TENM2: variants seen among roughly 807,000 people sequenced by gnomAD.
TENM2 encodes teneurin transmembrane protein 2, also known as teneurin-2.
TENM2 carries 52 observed loss-of-function variants against 245.2 expected under a neutral mutation model. The ratio of observed to expected loss-of-function variants is 0.21; its 90% CI spans 0.17 to 0.27. The LOEUF (loss-of-function observed/expected upper bound fraction) is 0.27. Among genes scored for constraint, TENM2 ranks in the 10% least tolerant of loss-of-function variants. The pLI is 1.00. For synonymous variants in TENM2, 1,363 were observed against 1,438.9 expected (o/e 0.95, Z 1.19); for missense variants, 3,046 against 3,666.8 (o/e 0.83, Z 4.37).
intron 2 of TENM2, among the ~76,000 whole-genome samples, chr5:167,804,179 G>T (rs1355499730): frequency 1.3e-5 from 2 of 151,904 alleles, no homozygotes; most frequent in African/African-American, 4.8e-5. Context: ...ACATTCTTCT[G>T]CTTGAACACC....
At chr5:167,705,107 G>A (rs1326868168) in intron 2 of TENM2, among the ~76,000 whole-genome samples, 1 of 152,044 alleles carries the variant, frequency 6.6e-6, no homozygotes, top group Non-Finnish European at 1.5e-5. Flanking sequence ...CCTACCCCTG[G>A]GCTTTTTGTG....
intron 1 of TENM2, among the ~76,000 whole-genome samples, chr5:167,329,596 C>G (rs558600395): frequency 6.8e-6 from 1 of 147,590 alleles, no homozygotes; most frequent in Non-Finnish European, 1.5e-5. Context: ...GGCATACTCC[C>G]CTTACGTTTT....
At chr5:167,081,191 G>A in the TENM2 span, among the ~76,000 whole-genome samples, 3 of 151,622 alleles carry the variant, frequency 2.0e-5, no homozygotes, top group African/African-American at 4.8e-5. Context: ...CAACATAAAG[G>A]GGAAAACATA....
rs1017057065 is a variant in TENM2, at chr5:167,393,837, G to T, written c.502+18364G>T. Among the ~76,000 whole-genome samples the T allele has an allele frequency of 4.6e-5, 7 of 152,174 alleles. No homozygotes were observed. In the East Asian group the frequency reaches 1.4e-3, roughly 29 times the overall value. On this transcript the variant is annotated intron_variant, in intron 2 of 28. Transcript: ENST00000518659. ...ACAGTGTCTGTCTGGGACAATAGCG[G>T]TAGGAAGAAGTGATCTGATTCTCAA...
At chr5:167,351,460 T>A (rs1240552970) in intron 1 of TENM2, among the ~76,000 whole-genome samples, 1 of 152,150 alleles carries the variant, frequency 6.6e-6, no homozygotes, top group Admixed American at 6.5e-5. Context: ...ACTAGACACA[T>A]GGCCTGACCT....
chr5:167,383,484 A>T (rs544497291), intron 2 of TENM2, among the ~76,000 whole-genome samples: 3 of 152,112 alleles, frequency 2.0e-5, no homozygotes, highest in Non-Finnish European at 4.4e-5. Context: ...GCTCTGAACC[A>T]GTTCGAATCT....
At chr5:167,648,917 G>T (rs1780155017) in intron 2 of TENM2, among the ~76,000 whole-genome samples, 1 of 152,142 alleles carries the variant, frequency 6.6e-6, no homozygotes, top group Non-Finnish European at 1.5e-5. Context: ...TCGGTCTGTG[G>T]CCCCTCCCTA....
At chr5:167,081,095 A>G in the TENM2 span, among the ~76,000 whole-genome samples, 1 of 151,928 alleles carries the variant, frequency 6.6e-6, no homozygotes, top group South Asian at 2.1e-4. Context: ...ACCCCTACCA[A>G]CAATGTAGAT....
At chr5:167,541,886 T>C (rs2127605577) in intron 2 of TENM2, among the ~76,000 whole-genome samples, 1 of 152,284 alleles carries the variant, frequency 6.6e-6, no homozygotes, top group Non-Finnish European at 1.5e-5. Context: ...ATTCCTGAAA[T>C]ATAAATAGCA....
At chr5:167,434,018 A>T (rs1355134409) in intron 2 of TENM2, among the ~76,000 whole-genome samples, 1 of 152,192 alleles carries the variant, frequency 6.6e-6, no homozygotes, top group Non-Finnish European at 1.5e-5. Context: ...AAAATTTAAT[A>T]TGAAAATGAG....
intron 2 of TENM2, among the ~76,000 whole-genome samples, chr5:167,452,717 C>G (rs371854401): frequency 4.0e-5 from 6 of 150,792 alleles, no homozygotes; most frequent in African/African-American, 1.2e-4. Flanking sequence ...TAACACACAC[C>G]GGGAATTGAA....
intron 4 of TENM2, among the ~76,000 whole-genome samples, chr5:167,981,166 C>T (rs1451235490): frequency 4.6e-5 from 7 of 152,210 alleles, no homozygotes; most frequent in Non-Finnish European, 5.9e-5. Flanking sequence ...TCCATGGAAT[C>T]GCCATAGGCC....
intron 7 of TENM2, among the ~76,000 whole-genome samples, chr5:168,062,969 C>T (rs981352826): frequency 6.6e-6 from 1 of 152,164 alleles, no homozygotes; most frequent in African/African-American, 2.4e-5. Context: ...CAAGCCACAG[C>T]ATTGTAAAAT....
chr5:167,687,222 A>G (rs1286005735), intron 2 of TENM2, among the ~76,000 whole-genome samples: 1 of 152,226 alleles, frequency 6.6e-6, no homozygotes, highest in African/African-American at 2.4e-5. Flanking sequence ...AAGATTTTAA[A>G]TCAAAATGGT....
At chr5:168,172,810 A>G (rs1220157826) in intron 13 of TENM2, among the ~76,000 whole-genome samples, 2 of 152,202 alleles carry the variant, frequency 1.3e-5, no homozygotes, top group Non-Finnish European at 2.9e-5. Flanking sequence ...TGGACTTTAA[A>G]TAGCAAGGTG....
At chr5:167,765,123 C>CT (rs1762924133) in intron 2 of TENM2, among the ~76,000 whole-genome samples, 1 of 152,114 alleles carries the variant, frequency 6.6e-6, no homozygotes, top group African/African-American at 2.4e-5. Flanking sequence ...ACCTACAGGT[C>CT]TGGGTGTCAC....
intron 1 of TENM2, among the ~76,000 whole-genome samples, chr5:167,300,859 C>T (rs576518501): frequency 1.3e-5 from 2 of 152,142 alleles, no homozygotes; most frequent in African/African-American, 4.8e-5. Context: ...TAAAGTGTCT[C>T]GGCCTAATAA....
intron 7 of TENM2, among the ~76,000 whole-genome samples, chr5:168,073,707 C>G (rs892672225): frequency 6.6e-6 from 1 of 152,204 alleles, no homozygotes; most frequent in African/African-American, 2.4e-5. Context: ...CACACTTTCA[C>G]GTACCTGGGG....
intron 2 of TENM2, among the ~76,000 whole-genome samples, chr5:167,435,007 A>G (rs1302967017): frequency 6.6e-6 from 1 of 152,226 alleles, no homozygotes; most frequent in East Asian, 1.9e-4. Context: ...TAACTTATCT[A>G]GTAGTTGATG....
Sources: allele counts gnomAD v4.1 joint callset (sites outside exome capture counted in the v4.1 genomes callset), GRCh38; gene constraint gnomAD v4.1.1; transcripts MANE v1.5; gene names NCBI Gene and HGNC (gene_info 2026-07-23, HGNC 2026-07-21).